The following RBFOX1 variants were observed in gnomAD, a reference collection of about 807,000 sequenced individuals.
RBFOX1 encodes the protein RNA binding protein fox-1 homolog 1.
Under a neutral mutation model 57.7 loss-of-function variants are expected in RBFOX1, and 8 were observed. The ratio of observed to expected loss-of-function variants is 0.14; its 90% confidence interval spans 0.08 to 0.25. The LOEUF is 0.25. Among genes scored for constraint, RBFOX1 ranks in the 10% least tolerant of loss-of-function variants. The probability of loss-of-function intolerance (pLI) is 1.00; values close to 1 mark genes in which losing one functional copy is unlikely to be tolerated. For missense variants in RBFOX1, 611 were observed against 548.5 expected (o/e 1.11, Z -1.14); for synonymous variants, 326 against 222.4 (o/e 1.47, Z -4.15).
chr16:6,256,265 ATATATG>A (rs1160060292), intron 1 of RBFOX1, among the ~76,000 whole-genome samples: 3,466 of 129,888 alleles, frequency 0.027, 162 homozygotes, highest in African/African-American at 0.083. Context: ...ATGTGTATAT[ATATATG>A]TATATATATA....
At chr16:5,827,776 GT>G (rs1156721393) in intron 3 of RBFOX1, among the ~76,000 whole-genome samples, 2 of 152,042 alleles carry the variant, frequency 1.3e-5, no homozygotes, top group African/African-American at 2.4e-5. Context: ...TGTCTCTACA[GT>G]TTTTTTCTCC....
chr16:6,148,338 A>T (rs560644010), intron 1 of RBFOX1, among the ~76,000 whole-genome samples: 1 of 152,252 alleles, frequency 6.6e-6, no homozygotes, highest in East Asian at 1.9e-4. Context: ...AAATAAGCAA[A>T]CAAACAAACT....
At chr16:6,016,887 G>A (rs1311529529), upstream of RBFOX1, among the ~76,000 whole-genome samples, 1 of 152,092 alleles carries the variant, frequency 6.6e-6, no homozygotes, top group African/African-American at 2.4e-5. Flanking sequence ...TAGCATAATG[G>A]CATGCCATAT....
chr16:7,546,014 T>A (rs897321662), intron 5 of RBFOX1, among the ~76,000 whole-genome samples: 96 of 134,030 alleles, frequency 7.2e-4, no homozygotes, highest in Non-Finnish European at 8.3e-4. Flanking sequence ...TCTGAGCTTA[T>A]AAAAAAAAAA....
chr16:5,951,456 T>A (rs1206383524), intron 4 of RBFOX1, among the ~76,000 whole-genome samples: 1 of 150,850 alleles, frequency 6.6e-6, no homozygotes, highest in Non-Finnish European at 1.5e-5. Flanking sequence ...TCAAAATATA[T>A]GTGTGTGTGT....
At chr16:6,627,393 AAGAG>A (rs1004235543) in intron 2 of RBFOX1, among the ~76,000 whole-genome samples, 34 of 152,286 alleles carry the variant, frequency 2.2e-4, no homozygotes, top group African/African-American at 8.2e-4. Context: ...GAGACAGAGA[AAGAG>A]AGATGGAGAG....
intron 2 of RBFOX1, among the ~76,000 whole-genome samples, chr16:5,505,740 A>G (rs901147029): frequency 1.3e-5 from 2 of 152,074 alleles, no homozygotes; most frequent in African/African-American, 4.8e-5. Context: ...GGGAAGAGAG[A>G]CCCATTCTGC....
intron 10 of RBFOX1, among the ~76,000 whole-genome samples, chr16:7,627,993 A>G (rs1317850459): frequency 2.6e-5 from 4 of 152,154 alleles, no homozygotes; most frequent in African/African-American, 9.7e-5. Flanking sequence ...CAGCATTAAA[A>G]AAAATTAGGA....
chr16:6,422,762 T>C (rs1310673347), intron 2 of RBFOX1, among the ~76,000 whole-genome samples: 1 of 152,020 alleles, frequency 6.6e-6, no homozygotes, highest in Admixed American at 6.6e-5. Context: ...GCCAAATCAT[T>C]CCTGATAAAT....
At chr16:6,072,583 G>C (rs962679810) in intron 1 of RBFOX1, among the ~76,000 whole-genome samples, 2 of 151,624 alleles carry the variant, frequency 1.3e-5, no homozygotes, top group Non-Finnish European at 2.9e-5. Flanking sequence ...AATGGCAAAA[G>C]GGTTCCAGTT....
intron 2 of RBFOX1, among the ~76,000 whole-genome samples, chr16:6,564,533 G>T (rs549731292): frequency 6.6e-6 from 1 of 152,134 alleles, no homozygotes; most frequent in Non-Finnish European, 1.5e-5. Flanking sequence ...TGCTAAGTGA[G>T]ATAAGCCAGG....
rs369734452 is a variant in RBFOX1 at position 6,888,250 on chromosome 16, A to G, written c.-15-163807A>G. On this transcript the variant is annotated intron_variant, in intron 3 of 15. Transcript: ENST00000550418. ...ATGAAAAGAAATGAAAAGAAAATGA[A>G]GGACCACAATGCTTTATGGGTTTGT... Among the ~76,000 whole-genome samples, 16 of 152,338 alleles carry G rather than the reference A, an allele frequency of 1.1e-4. 1 individual carries two copies. The highest frequency in any genetic ancestry group is 3.6e-4 in the African/African-American group (15 of 41,580).
rs59311923 is a variant in RBFOX1, at chr16:5,530,933, T to TAAAAAAAAA, written c.258+63713_258+63721dup. On this transcript the variant is annotated intron_variant, in intron 2 of 2. Transcript: ENST00000585867. Reference sequence around the variant, plus strand: ...CGAAACCCTGTCTCTACTAAAAATATAAAAAAAAAAAAAAAAAAAAAAAAA... The same window carrying TAAAAAAAAA: ...CGAAACCCTGTCTCTACTAAAAATATAAAAAAAAAAAAAAAAAAAAAAAAAAAAAAAAAA... Among the ~76,000 whole-genome samples, 35 of 55,036 alleles carry TAAAAAAAAA rather than the reference T, an allele frequency of 6.4e-4. 4 individuals carry two copies. Among genetic ancestry groups the TAAAAAAAAA allele is most frequent in the South Asian group, 9.7e-4 (1 of 1,036 alleles). 36.1% of individuals were successfully genotyped at this position (55,036 alleles called of 152,430 possible).
chr16:6,099,008 C>T (rs968433780), intron 1 of RBFOX1, among the ~76,000 whole-genome samples: 7 of 152,144 alleles, frequency 4.6e-5, no homozygotes, highest in African/African-American at 1.7e-4. Flanking sequence ...AGAGGATGGG[C>T]TGGGTAGTCG....
At chr16:6,922,066 C>T (rs1209134522) in intron 3 of RBFOX1, among the ~76,000 whole-genome samples, 1 of 152,164 alleles carries the variant, frequency 6.6e-6, no homozygotes, top group Non-Finnish European at 1.5e-5. Flanking sequence ...TATTACTATT[C>T]AGGTTAATCA....
At chr16:6,038,836 C>G (rs2095403931) in intron 1 of RBFOX1, 1 of 148,456 alleles carries the variant, frequency 6.7e-6, no homozygotes, top group Admixed American at 6.7e-5. Context: ...TAAGGCCACA[C>G]CCAGCAATCC....
intron 1 of RBFOX1, among the ~76,000 whole-genome samples, chr16:6,092,084 G>A (rs950799427): frequency 1.3e-5 from 2 of 152,062 alleles, no homozygotes; most frequent in South Asian, 2.1e-4. Context: ...CAATCCTTCT[G>A]GAGTTCCACA....
chr16:5,343,654 A>C (rs1487375138), intron 1 of RBFOX1, among the ~76,000 whole-genome samples: 1 of 152,146 alleles, frequency 6.6e-6, no homozygotes, highest in Non-Finnish European at 1.5e-5. Flanking sequence ...ATTTTCTTTC[A>C]GAAGAATCCC....
chr16:6,131,720 A>G (rs1024289885), intron 1 of RBFOX1, among the ~76,000 whole-genome samples: 12 of 152,128 alleles, frequency 7.9e-5, no homozygotes, highest in African/African-American at 2.4e-4. Flanking sequence ...ATAAAAGCCC[A>G]TTTCCTCCCC....
Sources: allele counts gnomAD v4.1 joint callset (sites outside exome capture counted in the v4.1 genomes callset), GRCh38; gene constraint gnomAD v4.1.1; transcripts MANE v1.5; gene names NCBI Gene and HGNC (gene_info 2026-07-23, HGNC 2026-07-21).